Variants in DIS3L2 observed in about 807,000 individuals in gnomAD.
DIS3L2 encodes DIS3-like exonuclease 2.
A neutral mutation model predicts 97.5 loss-of-function variants in DIS3L2; 34 were observed. That is an observed-to-expected ratio of 0.35 (90% CI 0.27 to 0.46). The LOEUF (loss-of-function observed/expected upper bound fraction) is 0.46, where lower values mean the gene tolerates loss of function less well. DIS3L2 is among the 20% of genes least tolerant of loss of function. The pLI is 1.00. For synonymous variants in DIS3L2, 435 were observed against 445.2 expected, an observed-to-expected ratio of 0.98 and a Z score of 0.29; for missense variants, 1,038 against 1,146.0, an observed-to-expected ratio of 0.91 and a Z score of 1.36.
chr2:232,105,925 G>C (rs1218500406), intron 6 of DIS3L2, among the ~76,000 whole-genome samples: 2 of 152,206 alleles, frequency 1.3e-5, no homozygotes, highest in African/African-American at 4.8e-5. Context: ...TGACTCTCTT[G>C]CTTGCTCTGC....
chr2:232,135,662 G>A (rs1231179390), intron 7 of DIS3L2, among the ~76,000 whole-genome samples: 1 of 152,034 alleles, frequency 6.6e-6, no homozygotes, highest in African/African-American at 2.4e-5. Flanking sequence ...GGAGAGGTGT[G>A]GTGCACTCAA....
At chr2:232,303,307 G>T (rs1694909029) in intron 14 of DIS3L2, among the ~76,000 whole-genome samples, 1 of 150,106 alleles carries the variant, frequency 6.7e-6, no homozygotes, top group Non-Finnish European at 1.5e-5. Flanking sequence ...TCCATTTAGG[G>T]TCATTTTCCC....
chr2:232,170,159 A>G (rs1281525243), intron 9 of DIS3L2, among the ~76,000 whole-genome samples: 2 of 152,328 alleles, frequency 1.3e-5, no homozygotes, highest in African/African-American at 4.8e-5. Flanking sequence ...AATATGTCCA[A>G]GGAAACTGCT....
At chr2:232,238,225 G>A (rs1158356186) in intron 10 of DIS3L2, among the ~76,000 whole-genome samples, 1 of 152,194 alleles carries the variant, frequency 6.6e-6, no homozygotes, top group Non-Finnish European at 1.5e-5. Context: ...CACCCAGAAT[G>A]AGCCATATCT....
At chr2:232,242,237 C>CT (rs1693119712) in intron 11 of DIS3L2, among the ~76,000 whole-genome samples, 2 of 152,208 alleles carry the variant, frequency 1.3e-5, no homozygotes, top group Non-Finnish European at 1.5e-5. Flanking sequence ...AGGGAGCTAG[C>CT]TGAGTGTACC....
chr2:232,181,377 A>C (rs1440298890), intron 9 of DIS3L2, among the ~76,000 whole-genome samples: 1 of 152,154 alleles, frequency 6.6e-6, no homozygotes, highest in Non-Finnish European at 1.5e-5. Context: ...AGATTGGGGA[A>C]GTTCTCCTGG....
intron 8 of DIS3L2, among the ~76,000 whole-genome samples, chr2:232,149,200 T>G (rs1358880265): frequency 6.8e-6 from 1 of 147,930 alleles, no homozygotes; most frequent in African/African-American, 2.5e-5. Context: ...AAAGTTTTTT[T>G]TTTTTTTTTA....
chr2:232,047,462 T>G (rs1056441353), intron 5 of DIS3L2, among the ~76,000 whole-genome samples: 7 of 152,212 alleles, frequency 4.6e-5, no homozygotes, highest in Non-Finnish European at 1.0e-4. Context: ...TCAAAATGAT[T>G]TATTATTTGT....
chr2:232,105,598 G>A lies in DIS3L2; in HGVS notation c.601+17877G>A, dbSNP rs111986708. On this transcript the variant is annotated intron_variant, in intron 6 of 20. Transcript: ENST00000325385. Reference sequence around the variant, plus strand: ...ACAGACCTAGGCAGCTTGGGTTTCAGAACATTTTTCTAACATTACAAAGGA... The same window carrying A: ...ACAGACCTAGGCAGCTTGGGTTTCAAAACATTTTTCTAACATTACAAAGGA... Among the ~76,000 whole-genome samples the A allele has an allele frequency of 1.2e-4, 18 of 152,184 alleles. 2 individuals carry two copies. The highest frequency in any genetic ancestry group is 4.3e-4 in the African/African-American group (18 of 41,524).
chr2:232,058,023 A>C (rs1695595747), intron 5 of DIS3L2, among the ~76,000 whole-genome samples: 1 of 152,228 alleles, frequency 6.6e-6, no homozygotes, highest in African/African-American at 2.4e-5. Flanking sequence ...ACCAGTACAC[A>C]AATATAATCA....
chr2:232,271,411 G>A (rs1332862402), intron 13 of DIS3L2, among the ~76,000 whole-genome samples: 3 of 152,152 alleles, frequency 2.0e-5, no homozygotes, highest in African/African-American at 7.2e-5. Flanking sequence ...GAATCGCTCT[G>A]TATAATCTGT....
chr2:232,166,133 C>T (rs1446378100), intron 9 of DIS3L2, among the ~76,000 whole-genome samples: 1 of 149,300 alleles, frequency 6.7e-6, no homozygotes, highest in Non-Finnish European at 1.5e-5. Context: ...TAGCCAGGCA[C>T]AGTGGTGTGT....
intron 1 of DIS3L2, among the ~76,000 whole-genome samples, chr2:231,989,339 TTGTG>T (rs59088969): frequency 0.12 from 16,908 of 146,400 alleles, 1,186 homozygotes; most frequent in South Asian, 0.3. Context: ...GTCAGTATAA[TTGTG>T]TGTGTGTGTG....
At position 232,336,719 on chromosome 2, in the gene DIS3L2, T is replaced by C. The variant is rs1416343785; in HGVS notation, c.*89T>C. On this transcript the variant is annotated 3_prime_UTR_variant, in exon 21 of 21. Coordinates refer to ENST00000325385, the MANE Select transcript of DIS3L2 (RefSeq NM_152383.5). ...TGTTGACACGGAGGGGGGTTTTTAA[T>C]TTGGTTTTTAACAACTCAGGGGTTT... 1 of 1,508,032 alleles carries C rather than the reference T, an allele frequency of 6.6e-7. No individual in the cohort carries two copies. The highest frequency in any genetic ancestry group is 8.8e-7 in the Non-Finnish European group (1 of 1,139,818). 93.4% of individuals were successfully genotyped at this position (1,508,032 alleles called of 1,614,324 possible). A position where few individuals can be genotyped will look rare whatever the true frequency, so the allele number is the denominator to read the frequency against.
intron 14 of DIS3L2, 193 bp from the exon 15 acceptor site, chr2:232,329,620 G>A (rs1208321133): frequency 1.8e-6 from 1 of 544,684 alleles, no homozygotes; most frequent in African/African-American, 1.9e-5. Flanking sequence ...ACCAACTGGT[G>A]CAGGGAGACC....
At chr2:232,160,517 T>G (rs543256157) in intron 8 of DIS3L2, among the ~76,000 whole-genome samples, 1 of 152,294 alleles carries the variant, frequency 6.6e-6, no homozygotes, top group East Asian at 1.9e-4. Context: ...GTAATTTGTG[T>G]TTTTCCCTCC....
intron 5 of DIS3L2, among the ~76,000 whole-genome samples, chr2:232,087,111 T>C (rs1268683975): frequency 2.0e-5 from 3 of 152,218 alleles, no homozygotes; most frequent in African/African-American, 7.2e-5. Flanking sequence ...GCATACTTTG[T>C]TGAGTTCTTT....
At chr2:232,006,950 A>G (rs956260468) in intron 1 of DIS3L2, among the ~76,000 whole-genome samples, 5 of 152,220 alleles carry the variant, frequency 3.3e-5, no homozygotes, top group Non-Finnish European at 7.3e-5. Context: ...ATTATAGAGA[A>G]GATGATAGAC....
In DIS3L2 at chr2:232,281,870, T is replaced by C. The variant is rs961855462; in HGVS notation, c.1660-18170T>C. On this transcript the variant is annotated intron_variant, in intron 13 of 20. Coordinates refer to ENST00000325385, the MANE Select transcript of DIS3L2 (RefSeq NM_152383.5). This position sits in a 1 kb window ranked among gnomAD's most constrained non-coding sequence, Gnocchi z 4.1. ...CTTGCCACAGGCTGCTGCCTCTGAG[T>C]TAAAGAGACATGGGAAGCATCGGGA... 6.6e-6 allele frequency among the ~76,000 whole-genome samples: 1 copy of C among 151,690 alleles called. No individual in the cohort carries two copies. The highest frequency in any genetic ancestry group is 6.6e-5 in the Admixed American group (1 of 15,258).
Sources: allele counts gnomAD v4.1 joint callset (sites outside exome capture counted in the v4.1 genomes callset), GRCh38; gene constraint gnomAD v4.1.1; non-coding constraint Gnocchi (gnomAD v3.1); transcripts MANE v1.5; gene names NCBI Gene and HGNC (gene_info 2026-07-23, HGNC 2026-07-21).